Variants in APAF1 observed in about 807,000 individuals in gnomAD.
APAF1 encodes apoptotic protease-activating factor 1.
APAF1 carries 91 observed loss-of-function variants against 152.4 expected under a neutral mutation model. The observed-to-expected ratio is 0.60, with a 90% confidence interval of 0.50 to 0.71. The LOEUF (loss-of-function observed/expected upper bound fraction) is 0.71, where lower values mean the gene tolerates loss of function less well. Ranked by LOEUF, APAF1 falls within the 30% of genes least tolerant of loss-of-function variation. APAF1 has a pLI of 0.00. For missense variants in APAF1, 1,283 were observed against 1,472.0 expected (o/e 0.87, Z 2.10); for synonymous variants, 484 against 494.1 (o/e 0.98, Z 0.27).
rs2097691024 is a variant in APAF1, at chr12:98,680,366, A to G, written c.2010A>G (p.Arg670=). ...VLCCAFSTDD[R]FIATCSVDKK... is the part of the protein sequence containing the mutation. Reference sequence around the variant, plus strand: ...GTTGTGCATTCTCTACAGATGACAGATTTATAGCAACCTGCTCAGTGGATA... The same window carrying G: ...GTTGTGCATTCTCTACAGATGACAGGTTTATAGCAACCTGCTCAGTGGATA... The change falls in exon 14 of 27, where the codon AGA becomes AGG. Residue 670 remains arginine, a synonymous_variant. Coordinates refer to ENST00000551964, the MANE Select transcript of APAF1 (RefSeq NM_181861.2). 6.2e-7 allele frequency: 1 copy of G among 1,613,804 alleles called. No homozygotes were observed. The highest frequency in any genetic ancestry group is 8.5e-7 in the Non-Finnish European group (1 of 1,179,960).
At chr12:98,658,449 A>G (rs1382557848) in intron 4 of APAF1, among the ~76,000 whole-genome samples, 7 of 152,202 alleles carry the variant, frequency 4.6e-5, no homozygotes, top group African/African-American at 1.7e-4. Context: ...CATATTTTAT[A>G]TCATTAATTT....
chr12:98,665,525 G>A (rs1276264102), intron 7 of APAF1, 28 bp from the exon 8 acceptor site: 1 of 1,455,600 alleles, frequency 6.9e-7, no homozygotes, highest in Non-Finnish European at 9.6e-7. Context: ...GATGGTATTA[G>A]CATAGTGACT....
chr12:98,707,969 C>T (rs7299740), intron 19 of APAF1, among the ~76,000 whole-genome samples: 4,293 of 152,084 alleles, frequency 0.028, 182 homozygotes, highest in African/African-American at 0.097. Context: ...TTTTTTGAGA[C>T]GGAGTCTCGC....
At chr12:98,726,424 T>G (rs929089402) in intron 25 of APAF1, 1 of 151,210 alleles carries the variant, frequency 6.6e-6, no homozygotes, top group African/African-American at 2.4e-5. Flanking sequence ...TTTCCCCCTT[T>G]CATTACAAAG....
intron 13 of APAF1, among the ~76,000 whole-genome samples, chr12:98,679,988 CTTG>C (rs2097690653): frequency 1.3e-5 from 2 of 152,200 alleles, no homozygotes; most frequent in African/African-American, 4.8e-5. Context: ...CCAAGCAAAA[CTTG>C]GGCAAAGGCG....
At position 98,699,457 on chromosome 12, in the gene APAF1, A is replaced by G. The variant is rs774877020; in HGVS notation, c.2354A>G (p.Gln785Arg). The change falls in exon 17 of 27, where the codon CAG (glutamine) becomes CGG (arginine). Residue 785 changes from glutamine to arginine, a missense_variant. Gln to Arg is a conservative substitution (Grantham distance 43, BLOSUM62 1). Coordinates refer to ENST00000551964, the MANE Select transcript of APAF1 (RefSeq NM_181861.2). ...ANERKSINVK[Q>R]FFLNLEDPQE... Reference sequence around the variant, plus strand: ...GAGAGGAAAAGCATTAATGTGAAACAGTTCTTCCTAAATTTGGAGGACCCT... The same window carrying G: ...GAGAGGAAAAGCATTAATGTGAAACGGTTCTTCCTAAATTTGGAGGACCCT... 2.5e-6 allele frequency: 4 copies of G among 1,614,180 alleles called. No individual in the cohort carries two copies. The highest frequency in any genetic ancestry group is 3.4e-6 in the Non-Finnish European group (4 of 1,180,002).
intron 4 of APAF1, among the ~76,000 whole-genome samples, chr12:98,653,691 A>AATATATAT (rs1346621120): frequency 0.062 from 931 of 15,040 alleles, 52 homozygotes; most frequent in Non-Finnish European, 0.08. Flanking sequence ...AAAAAAAAAA[A>AATATATAT]ATATATATAT....
chr12:98,725,752 G>A (rs879793674), intron 25 of APAF1, among the ~76,000 whole-genome samples: 34 of 152,218 alleles, frequency 2.2e-4, no homozygotes, highest in Middle Eastern at 3.2e-3. Flanking sequence ...AGCATTCCCT[G>A]TATATGTGAG....
chr12:98,659,635 C>T (rs996434403), intron 5 of APAF1, among the ~76,000 whole-genome samples: 1 of 151,700 alleles, frequency 6.6e-6, no homozygotes, highest in African/African-American at 2.4e-5. Context: ...GCCTGTAATC[C>T]CAGCTGCTCA....
At chr12:98,683,009 G>A in intron 14 of APAF1, 134 bp from the exon 15 acceptor site, 1 of 733,384 alleles carries the variant, frequency 1.4e-6, no homozygotes, top group South Asian at 1.6e-5. Context: ...GGTTTCATTA[G>A]CATCTTGTCC....
intron 17 of APAF1, among the ~76,000 whole-genome samples, chr12:98,701,037 CT>C (rs911657192): frequency 2.0e-5 from 3 of 151,780 alleles, no homozygotes; most frequent in African/African-American, 7.3e-5. Flanking sequence ...CACATACAGC[CT>C]TGTTGTAACC....
chr12:98,699,578 T>G lies in APAF1; in HGVS notation c.2466+9T>G. 6.2e-7 allele frequency: 1 copy of G among 1,614,044 alleles called. No individual in the cohort carries two copies. Among genetic ancestry groups the G allele is most frequent in the Non-Finnish European group, 8.5e-7 (1 of 1,179,900 alleles). Reference sequence around the variant, plus strand: ...CAAAAAATAAAATCTTTGTAAGTACTTTAAAAAGCCAACTTCAGTCTGATT... The same window carrying G: ...CAAAAAATAAAATCTTTGTAAGTACGTTAAAAAGCCAACTTCAGTCTGATT... On this transcript the variant is annotated intron_variant, in intron 17 of 26. Coordinates refer to ENST00000551964, the MANE Select transcript of APAF1 (RefSeq NM_181861.2).
rs1343685211 is a variant in APAF1 at position 98,723,326 on chromosome 12, T to G, written c.3204+14T>G. On this transcript the variant is annotated intron_variant, in intron 23 of 26. Coordinates refer to ENST00000551964, the MANE Select transcript of APAF1 (RefSeq NM_181861.2). Reference sequence around the variant, plus strand: ...GGAACAGTGAAGGTAATTTAAAGTATAAATTTGTTTTTTGAAAAAGTATTC... The same window carrying G: ...GGAACAGTGAAGGTAATTTAAAGTAGAAATTTGTTTTTTGAAAAAGTATTC... 2 of 1,612,412 alleles carry G rather than the reference T, an allele frequency of 1.2e-6. No individual in the cohort carries two copies. The highest frequency in any genetic ancestry group is 1.7e-6 in the Non-Finnish European group (2 of 1,178,864).
chr12:98,670,144 T>A (rs892468963), intron 10 of APAF1, among the ~76,000 whole-genome samples: 1 of 152,096 alleles, frequency 6.6e-6, no homozygotes, highest in African/African-American at 2.4e-5. Flanking sequence ...GAGGTTTCAC[T>A]GTGTTGCCCA....
At chr12:98,646,882 A>AGGAAACAACAG (rs2097641448) in intron 1 of APAF1, among the ~76,000 whole-genome samples, 2 of 152,208 alleles carry the variant, frequency 1.3e-5, no homozygotes, top group African/African-American at 4.8e-5. Context: ...AAATCACATC[A>AGGAAACAACAG]GAAAGTGTTT....
intron 26 of APAF1, among the ~76,000 whole-genome samples, chr12:98,731,444 T>A (rs767282600): frequency 6.6e-5 from 10 of 152,226 alleles, no homozygotes; most frequent in Non-Finnish European, 1.2e-4. Context: ...TGGTGGAATG[T>A]GCTTGATTAC....
intron 22 of APAF1, among the ~76,000 whole-genome samples, chr12:98,719,821 TG>T (rs2097739977): frequency 6.6e-6 from 1 of 152,156 alleles, no homozygotes; most frequent in African/African-American, 2.4e-5. Flanking sequence ...AGAATGCATA[TG>T]TTCAGTGGAA....
At chr12:98,723,411 T>TA in intron 23 of APAF1, 99 bp downstream of exon 23, 1 of 1,338,252 alleles carries the variant, frequency 7.5e-7, no homozygotes, top group Non-Finnish European at 1.0e-6. Flanking sequence ...ATTACTTACT[T>TA]AAAAATTTTT....
At chr12:98,732,334 A>AGAT in intron 26 of APAF1, 86 bp from the exon 27 acceptor site, 1 of 1,202,178 alleles carries the variant, frequency 8.3e-7, no homozygotes, top group Non-Finnish European at 1.2e-6. Flanking sequence ...TGGGGGGAGG[A>AGAT]GATAGGGTAA....
Sources: allele counts gnomAD v4.1 joint callset (sites outside exome capture counted in the v4.1 genomes callset), GRCh38; gene constraint gnomAD v4.1.1; transcripts MANE v1.5; gene names NCBI Gene and HGNC (gene_info 2026-07-23, HGNC 2026-07-21).